Variants in STARD3NL observed in about 807,000 individuals in gnomAD.
STARD3NL encodes STARD3 N-terminal-like protein.
In STARD3NL, 17 loss-of-function variants were observed where a neutral mutation model predicts 30.9. The ratio of observed to expected loss-of-function variants is 0.55; its 90% CI spans 0.38 to 0.82. The LOEUF is 0.82. STARD3NL is among the 40% of genes least tolerant of loss of function. The pLI is 0.00. For synonymous variants in STARD3NL, 112 were observed against 100.5 expected (o/e 1.11, Z -0.69); for missense variants, 234 against 277.6 (o/e 0.84, Z 1.12).
chr7:38,186,692 G>A (rs1306294905), intron 1 of STARD3NL, among the ~76,000 whole-genome samples: 1 of 152,152 alleles, frequency 6.6e-6, no homozygotes, highest in Non-Finnish European at 1.5e-5. Flanking sequence ...TGCTGTACAG[G>A]TTTATAGCCT....
At chr7:38,187,755 G>A (rs1387890547) in intron 1 of STARD3NL, among the ~76,000 whole-genome samples, 2 of 151,630 alleles carry the variant, frequency 1.3e-5, no homozygotes, top group East Asian at 3.9e-4. Context: ...ACTTTATCTC[G>A]ACTTGGATAT....
At chr7:38,211,414 G>A (rs942552773) in intron 2 of STARD3NL, among the ~76,000 whole-genome samples, 4 of 152,106 alleles carry the variant, frequency 2.6e-5, no homozygotes, top group Non-Finnish European at 4.4e-5. Flanking sequence ...CACGGCGCAT[G>A]GAAGTACTGA....
At chr7:38,179,328 G>A (rs953285222) in intron 1 of STARD3NL, among the ~76,000 whole-genome samples, 1 of 152,206 alleles carries the variant, frequency 6.6e-6, no homozygotes, top group Non-Finnish European at 1.5e-5. Context: ...GATGGATTCT[G>A]ATAAGGTGGT....
Position 38,207,434 on chromosome 7 carries a change from T to G in STARD3NL, c.-58-13T>G. The G allele has an allele frequency of 7.6e-7, 1 of 1,323,748 alleles. No homozygotes were observed. The highest frequency in any genetic ancestry group is 1.0e-6 in the Non-Finnish European group (1 of 956,294). The allele number at this position is 1,323,748 out of a possible 1,614,324, so 82.0% of individuals were successfully genotyped here. ...TTGGATTTAACATGGTGTCTCTTTT[T>G]TATTTCCCAAAGGTGTCTTCTCTTT... On this transcript the variant is annotated splice_polypyrimidine_tract_variant and intron_variant, in intron 1 of 8. Coordinates refer to ENST00000009041, the MANE Select transcript of STARD3NL (RefSeq NM_032016.4).
chr7:38,199,794 A>G (rs928071691), intron 1 of STARD3NL, among the ~76,000 whole-genome samples: 3 of 152,246 alleles, frequency 2.0e-5, no homozygotes, highest in Non-Finnish European at 4.4e-5. Flanking sequence ...TTTCTCAATG[A>G]GTGTCAGAAT....
chr7:38,201,041 A>G (rs1785151440), intron 1 of STARD3NL, among the ~76,000 whole-genome samples: 2 of 146,652 alleles, frequency 1.4e-5, no homozygotes, highest in South Asian at 2.1e-4. Context: ...ATATGTTTTC[A>G]TAACCTAACA....
chr7:38,196,778 C>T (rs1186990340), intron 1 of STARD3NL, among the ~76,000 whole-genome samples: 2 of 151,956 alleles, frequency 1.3e-5, no homozygotes, highest in East Asian at 3.8e-4. Context: ...ATTGCCTCAG[C>T]TATTAATTTG....
intron 6 of STARD3NL, 27 bp from the exon 7 acceptor site, chr7:38,219,538 C>A: frequency 6.5e-7 from 1 of 1,541,026 alleles, no homozygotes; most frequent in South Asian, 1.2e-5. Flanking sequence ...GACCTCATTC[C>A]CAACATCTGA....
At chr7:38,204,628 C>CT (rs1785356183) in intron 1 of STARD3NL, among the ~76,000 whole-genome samples, 1 of 152,136 alleles carries the variant, frequency 6.6e-6, no homozygotes, top group African/African-American at 2.4e-5. Flanking sequence ...CAAGAAATAA[C>CT]TAAGATCAGA....
At chr7:38,198,804 A>G (rs1261393429) in intron 1 of STARD3NL, among the ~76,000 whole-genome samples, 1 of 152,224 alleles carries the variant, frequency 6.6e-6, no homozygotes, top group East Asian at 1.9e-4. Context: ...GCTGTCCACC[A>G]TCTGGGTAGT....
Position 38,207,579 on chromosome 7 carries a change from C to G in STARD3NL, c.75C>G (p.Ile25Met), listed in dbSNP as rs1409422555. 1.2e-6 allele frequency: 2 copies of G among 1,614,076 alleles called. No individual in the cohort carries two copies. Among genetic ancestry groups the G allele is most frequent in the Non-Finnish European group, 1.7e-6 (2 of 1,179,964 alleles). ...GCTCCCATGCTTCTCTGCGCAATAT[C>G]CATTCCATCAACCCCACACAACTCA... ...SQSSHASLRN[I>M]HSINPTQLMA... Residue 25 changes from isoleucine to methionine, a missense_variant, in exon 2 of 9, where the codon ATC becomes ATG. Transcript: ENST00000009041.
chr7:38,199,723 A>G (rs1010793673), intron 1 of STARD3NL, among the ~76,000 whole-genome samples: 2 of 152,264 alleles, frequency 1.3e-5, no homozygotes, highest in Non-Finnish European at 2.9e-5. Flanking sequence ...TCCAATAACC[A>G]GACAGTAGAA....
intron 1 of STARD3NL, among the ~76,000 whole-genome samples, chr7:38,181,417 T>C (rs1458219923): frequency 6.6e-6 from 1 of 152,180 alleles, no homozygotes; most frequent in African/African-American, 2.4e-5. Flanking sequence ...AGTTTATAAA[T>C]TAATATGAAT....
At chr7:38,180,671 G>C (rs1784210631) in intron 1 of STARD3NL, among the ~76,000 whole-genome samples, 1 of 152,120 alleles carries the variant, frequency 6.6e-6, no homozygotes, top group African/African-American at 2.4e-5. Flanking sequence ...CTCCCATTAG[G>C]TTTACTTCAA....
Position 38,215,078 on chromosome 7 carries a change from C to T in STARD3NL, c.354C>T (p.Cys118=), listed in dbSNP as rs545795743. The T allele has an allele frequency of 2.5e-6, 4 of 1,613,990 alleles. No individual in the cohort carries two copies. The highest frequency in any genetic ancestry group is 2.2e-5 in the South Asian group (2 of 91,086). ...TGTTAATACTTGCATATGCTGTGTG[C>T]AGACTGCGCCATTGGTGGGCAATAG... ...FKVLILAYAV[C]RLRHWWAIAL... The change falls in exon 4 of 9, where the codon TGC becomes TGT. Residue 118 remains cysteine (C), a synonymous_variant. Coordinates refer to ENST00000009041, the MANE Select transcript of STARD3NL (RefSeq NM_032016.4).
intron 1 of STARD3NL, among the ~76,000 whole-genome samples, chr7:38,184,224 T>C (rs1784361052): frequency 6.6e-6 from 1 of 152,194 alleles, no homozygotes. Context: ...TTATTCTTGC[T>C]GTTAATATGA....
chr7:38,217,397 A>G (rs1257256355), intron 6 of STARD3NL, 92 bp downstream of exon 6: 6 of 1,199,308 alleles, frequency 5.0e-6, no homozygotes, highest in Non-Finnish European at 7.2e-6. Flanking sequence ...GGGGCTGCAA[A>G]TGGGTAGAGT....
intron 7 of STARD3NL, among the ~76,000 whole-genome samples, chr7:38,221,212 T>C (rs1036345390): frequency 1.3e-5 from 2 of 152,178 alleles, no homozygotes; most frequent in Admixed American, 1.3e-4. Flanking sequence ...TTTTCTATGG[T>C]AAAAAACCCA....
chr7:38,207,996 A>G (rs541198274), intron 2 of STARD3NL, among the ~76,000 whole-genome samples: 1 of 152,320 alleles, frequency 6.6e-6, no homozygotes, highest in East Asian at 1.9e-4. Context: ...TTGACAAACT[A>G]TAGGCTGTAA....
Sources: allele counts gnomAD v4.1 joint callset (sites outside exome capture counted in the v4.1 genomes callset), GRCh38; gene constraint gnomAD v4.1.1; transcripts MANE v1.5; gene names NCBI Gene and HGNC (gene_info 2026-07-23, HGNC 2026-07-21).